The following PARD3B variants were observed in gnomAD, a reference collection of about 807,000 sequenced individuals.
PARD3B encodes the protein partitioning defective 3 homolog B.
Under a neutral mutation model 130.2 loss-of-function variants are expected in PARD3B, and 103 were observed. That is an observed-to-expected ratio of 0.79 (90% CI 0.67 to 0.93). The LOEUF (loss-of-function observed/expected upper bound fraction) is 0.93, where lower values mean the gene tolerates loss of function less well. PARD3B is among the 40% of genes least tolerant of loss of function. PARD3B has a pLI of 0.00. For missense variants in PARD3B, 1,609 were observed against 1,499.2 expected, an observed-to-expected ratio of 1.07 and a Z score of -1.21; for synonymous variants, 583 against 553.2, an observed-to-expected ratio of 1.05 and a Z score of -0.76.
In PARD3B at chr2:204,887,615, G is replaced by A. The variant is rs2046308020; in HGVS notation, c.223-77537G>A. 6.6e-6 allele frequency among the ~76,000 whole-genome samples: 1 copy of A among 152,130 alleles called. No individual in the cohort carries two copies. The highest frequency in any genetic ancestry group is 2.4e-5 in the African/African-American group (1 of 41,412). ...AAGAAGCCCAAACTGCTGTAGATGA[G>A]GATGCTGCTTTCTTTGATTTAACAG... On this transcript the variant is annotated intron_variant, in intron 2 of 22. Transcript: ENST00000406610. This position sits in a 1 kb window ranked among gnomAD's most constrained non-coding sequence, Gnocchi z 4.2.
chr2:205,348,735 C>T (rs541425082), intron 18 of PARD3B, among the ~76,000 whole-genome samples: 1 of 152,298 alleles, frequency 6.6e-6, no homozygotes, highest in South Asian at 2.1e-4. Flanking sequence ...TTTTGAAAAA[C>T]ATGCATGCTC....
chr2:204,821,838 C>A (rs2043371032), intron 2 of PARD3B, among the ~76,000 whole-genome samples: 1 of 152,142 alleles, frequency 6.6e-6, no homozygotes, highest in Non-Finnish European at 1.5e-5. Context: ...TGAGGCCACC[C>A]CAGCCATGTG....
In PARD3B at chr2:205,301,810, C is replaced by A; in HGVS notation, c.2630+109C>A. 1 of 1,508,826 alleles carries A rather than the reference C, an allele frequency of 6.6e-7. No homozygotes were observed. Among genetic ancestry groups the A allele is most frequent in the Non-Finnish European group, 9.2e-7 (1 of 1,084,298 alleles). The allele number at this position is 1,508,826 out of a possible 1,614,324, so 93.5% of individuals were successfully genotyped here. ...GCGCACGCTTTTCCTCGTCTTCAGC[C>A]AAATGCATACGGCTCTCAATTCTGT... On this transcript the variant is annotated intron_variant, in intron 18 of 22. Coordinates refer to ENST00000406610, the MANE Select transcript of PARD3B (RefSeq NM_001302769.2). The surrounding 1 kb of genome is among the most constrained non-coding windows in gnomAD (Gnocchi z 5.2).
At chr2:204,808,506 A>G (rs903967820) in intron 2 of PARD3B, among the ~76,000 whole-genome samples, 5 of 151,984 alleles carry the variant, frequency 3.3e-5, no homozygotes, top group Non-Finnish European at 7.4e-5. Flanking sequence ...GCCTCTGTCA[A>G]GTAGGCCCTA....
At chr2:204,590,770 A>G (rs181226466) in intron 1 of PARD3B, among the ~76,000 whole-genome samples, 2 of 152,344 alleles carry the variant, frequency 1.3e-5, no homozygotes, top group East Asian at 1.9e-4. Context: ...GTTCATCTGC[A>G]TGTGTGTGTT....
intron 3 of PARD3B, among the ~76,000 whole-genome samples, chr2:205,037,433 C>A (rs569303056): frequency 6.9e-6 from 1 of 145,890 alleles, no homozygotes; most frequent in Admixed American, 6.9e-5. Flanking sequence ...ATATAGTGGA[C>A]TATATGCATA....
chr2:205,291,686 C>A lies in PARD3B; in HGVS notation c.2186-8844C>A, dbSNP rs2105875020. On this transcript the variant is annotated intron_variant, in intron 16 of 22. Transcript: ENST00000406610. This position sits in a 1 kb window ranked among gnomAD's most constrained non-coding sequence, Gnocchi z 4.6. ...TTTTCTGACTGCTTATAGTAAAATT[C>A]AAGATGAGAAAAATGACCTAAAGAT... Among the ~76,000 whole-genome samples, 1 of 152,184 alleles carries A rather than the reference C, an allele frequency of 6.6e-6. No individual in the cohort carries two copies. The highest frequency in any genetic ancestry group is 1.5e-5 in the Non-Finnish European group (1 of 67,998).
At chr2:205,307,836 T>C (rs544265847) in intron 18 of PARD3B, among the ~76,000 whole-genome samples, 3 of 152,324 alleles carry the variant, frequency 2.0e-5, no homozygotes, top group South Asian at 2.1e-4. Flanking sequence ...CTTTTTGATA[T>C]TATAGGCCAC....
intron 1 of PARD3B, among the ~76,000 whole-genome samples, chr2:204,547,967 T>C (rs1172241037): frequency 6.6e-6 from 1 of 152,216 alleles, no homozygotes; most frequent in Non-Finnish European, 1.5e-5. Flanking sequence ...TTTACATTTA[T>C]ATATTAGTGA....
At chr2:204,914,858 C>G (rs976119571) in intron 2 of PARD3B, among the ~76,000 whole-genome samples, 1 of 152,152 alleles carries the variant, frequency 6.6e-6, no homozygotes, top group African/African-American at 2.4e-5. Context: ...GGTAGAGAAG[C>G]CTCCAAGCTC....
chr2:205,288,915 C>T lies in PARD3B; in HGVS notation c.2186-11615C>T, dbSNP rs955277801. Among the ~76,000 whole-genome samples the T allele has an allele frequency of 2.0e-5, 3 of 152,206 alleles. No homozygotes were observed. Among genetic ancestry groups the T allele is most frequent in the Non-Finnish European group, 4.4e-5 (3 of 68,042 alleles). On this transcript the variant is annotated intron_variant, in intron 16 of 22. Coordinates refer to ENST00000406610, the MANE Select transcript of PARD3B (RefSeq NM_001302769.2). This position sits in a 1 kb window ranked among gnomAD's most constrained non-coding sequence, Gnocchi z 4.0. ...TCCAGCCCTTAACTGTGCTCTATGTCAGCATTCTTGGTACGTGGTTTGCAG... is the reference window on the plus strand; with the variant it reads ...TCCAGCCCTTAACTGTGCTCTATGTTAGCATTCTTGGTACGTGGTTTGCAG...
At chr2:204,841,002 A>T (rs923944015) in intron 2 of PARD3B, among the ~76,000 whole-genome samples, 13 of 152,168 alleles carry the variant, frequency 8.5e-5, no homozygotes, top group Non-Finnish European at 2.9e-5. Context: ...AGGGAAGACT[A>T]CTGTACATAA....
chr2:204,601,605 T>C (rs2125105814), intron 1 of PARD3B, among the ~76,000 whole-genome samples: 1 of 152,084 alleles, frequency 6.6e-6, no homozygotes. Flanking sequence ...CTTTAATATG[T>C]AGATCTCTTG....
intron 2 of PARD3B, among the ~76,000 whole-genome samples, chr2:204,897,385 G>GTTTTGT (rs1553550988): frequency 7.8e-6 from 1 of 127,676 alleles, no homozygotes; most frequent in Non-Finnish European, 1.6e-5. Context: ...TGTAGGTACT[G>GTTTTGT]TTTTTTTTTT....
At chr2:205,156,768 G>A (rs1575995900) in intron 10 of PARD3B, among the ~76,000 whole-genome samples, 1 of 152,216 alleles carries the variant, frequency 6.6e-6, no homozygotes, top group Middle Eastern at 3.4e-3. Context: ...ATCATTGTTA[G>A]CCTCTAGTAT....
chr2:205,089,656 G>T (rs1308524048), intron 4 of PARD3B, among the ~76,000 whole-genome samples: 1 of 152,108 alleles, frequency 6.6e-6, no homozygotes, highest in African/African-American at 2.4e-5. Context: ...TGGTGAGATG[G>T]CAAATCTGAG....
chr2:204,636,348 T>C (rs768055686), intron 1 of PARD3B, among the ~76,000 whole-genome samples: 2 of 152,088 alleles, frequency 1.3e-5, no homozygotes, highest in African/African-American at 2.4e-5. Flanking sequence ...CAGGTCAGGT[T>C]ATCCAGCTAG....
At position 204,965,359 on chromosome 2, in the gene PARD3B, C is replaced by T. The variant is rs750213728; in HGVS notation, c.394+36C>T. ...TGTTTATGATATTCTTTTCACCTGA[C>T]TGAAGATCCGTCATCTTGTTGATTA... On this transcript the variant is annotated intron_variant, in intron 3 of 22. Transcript: ENST00000406610. 40 of 1,587,172 alleles carry T rather than the reference C, an allele frequency of 2.5e-5. 1 individual carries two copies. The South Asian group carries it at 4.4e-4, about 17-fold the overall frequency.
chr2:205,489,511 G>A lies in PARD3B; in HGVS notation c.3045-10385G>A, dbSNP rs867084131. Among the ~76,000 whole-genome samples, 310 of 118,994 alleles carry A rather than the reference G, an allele frequency of 2.6e-3. 1 individual carries two copies. The highest frequency in any genetic ancestry group is 0.013 in the East Asian group (51 of 4,080). The allele number at this position is 118,994 out of a possible 152,430, so 78.1% of individuals were successfully genotyped here. ...TATATATGTGTGTATATATATATAC[G>A]TATATATATATACACACATATATAT... is the stretch of plus-strand genomic sequence containing the variant. On this transcript the variant is annotated intron_variant, in intron 20 of 22. Transcript: ENST00000406610.
Sources: allele counts gnomAD v4.1 joint callset (sites outside exome capture counted in the v4.1 genomes callset), GRCh38; gene constraint gnomAD v4.1.1; non-coding constraint Gnocchi (gnomAD v3.1); transcripts MANE v1.5; gene names NCBI Gene and HGNC (gene_info 2026-07-23, HGNC 2026-07-21).